SAA4: variants seen among roughly 807,000 people sequenced by gnomAD.
The protein encoded by SAA4 is serum amyloid A-4 protein.
In SAA4, 8 loss-of-function variants were observed where a neutral mutation model predicts 11.2. The ratio of observed to expected loss-of-function variants is 0.71; its 90% CI spans 0.42 to 1.29. The LOEUF (loss-of-function observed/expected upper bound fraction) is 1.29. Among genes scored for constraint, SAA4 ranks in the 50% most tolerant of loss-of-function variants. The pLI, the probability that SAA4 is intolerant of heterozygous loss-of-function variation, is 0.01. For missense variants in SAA4, 171 were observed against 164.2 expected (o/e 1.04, Z -0.23); for synonymous variants, 60 against 56.2 (o/e 1.07, Z -0.30).
chr11:18,235,972 AAC>A (rs1857202740), intron 1 of SAA4, 42 bp from the exon 2 acceptor site: 1 of 1,543,566 alleles, frequency 6.5e-7, no homozygotes, highest in East Asian at 2.4e-5. Context: ...CATAAAAAAA[AAC>A]ACAGATCTAT....
At chr11:18,235,555 T>C (rs192272788) in intron 2 of SAA4, among the ~76,000 whole-genome samples, 69 of 152,206 alleles carry the variant, frequency 4.5e-4, no homozygotes, top group Non-Finnish European at 5.3e-4. Context: ...CTGCCATCTG[T>C]AAATTTCCGC....
chr11:18,231,633 C>A lies in SAA4; in HGVS notation c.262G>T (p.Asp88Tyr). 1 of 1,613,880 alleles carries A rather than the reference C, an allele frequency of 6.2e-7. No homozygotes were observed. Among genetic ancestry groups the A allele is most frequent in the South Asian group, 1.1e-5 (1 of 91,036 alleles). ...CTGCTGTTTCCAAATAAATAGCAGT[C>A]TATTAATCCCTGAAGATAGACCCTG... is the stretch of plus-strand genomic sequence containing the variant. ...RSRVYLQGLI[D>Y]CYLFGNSSTV... Residue 88 changes from aspartate to tyrosine, a missense_variant, in exon 4 of 4, where the codon GAC (aspartate) becomes TAC (tyrosine). Asp to Tyr is a radical substitution (Grantham distance 160). Coordinates refer to ENST00000278222, the MANE Select transcript of SAA4 (RefSeq NM_006512.4).
At chr11:18,233,170 A>C (rs541349860) in intron 2 of SAA4, among the ~76,000 whole-genome samples, 1 of 152,356 alleles carries the variant, frequency 6.6e-6, no homozygotes, top group East Asian at 1.9e-4. Flanking sequence ...AGAGAGCTTC[A>C]TAGGACCTGG....
chr11:18,231,656 C>T lies in SAA4; in HGVS notation c.239G>A (p.Arg80Lys). The change falls in exon 4 of 4, where the codon AGG becomes AAG. Residue 80 changes from arginine to lysine, a missense_variant. Transcript: ENST00000278222. ...VWAAKLISRS[R>K]VYLQGLIDCY... ...GTCTATTAATCCCTGAAGATAGACCCTGGAACGGCTGCAACCCAAAGAAAG... is the reference window on the plus strand; with the variant it reads ...GTCTATTAATCCCTGAAGATAGACCTTGGAACGGCTGCAACCCAAAGAAAG... The T allele has an allele frequency of 6.2e-7, 1 of 1,611,346 alleles. No individual in the cohort carries two copies. The highest frequency in any genetic ancestry group is 8.5e-7 in the Non-Finnish European group (1 of 1,178,882).
intron 3 of SAA4, among the ~76,000 whole-genome samples, chr11:18,231,964 C>G (rs560933924): frequency 6.7e-6 from 1 of 150,094 alleles, no homozygotes; most frequent in African/African-American, 2.5e-5. Flanking sequence ...GTCACTGCAG[C>G]CTCGACCTCC....
intron 1 of SAA4, among the ~76,000 whole-genome samples, chr11:18,236,207 C>G (rs1857207817): frequency 6.8e-6 from 1 of 148,044 alleles, no homozygotes; most frequent in African/African-American, 2.5e-5. Context: ...AAACGTGCAC[C>G]ATCACACTCA....
intron 2 of SAA4, among the ~76,000 whole-genome samples, chr11:18,233,245 G>A (rs1474592554): frequency 6.6e-6 from 1 of 152,214 alleles, no homozygotes; most frequent in Non-Finnish European, 1.5e-5. Flanking sequence ...ACAATTAAGT[G>A]TCAGTTTCCA....
intron 2 of SAA4, among the ~76,000 whole-genome samples, chr11:18,232,911 C>G (rs1333427745): frequency 6.6e-6 from 1 of 152,076 alleles, no homozygotes; most frequent in African/African-American, 2.4e-5. Flanking sequence ...GTACTGTGTA[C>G]AAAGAGGGGA....
At position 18,231,632 on chromosome 11, in the gene SAA4, T is replaced by C; in HGVS notation, c.263A>G (p.Asp88Gly). Residue 88 changes from aspartate to glycine, a missense_variant, in exon 4 of 4, where the codon GAC becomes GGC. By Grantham distance (94) the Asp-to-Gly change is moderately conservative (BLOSUM62 -1). Coordinates refer to ENST00000278222, the MANE Select transcript of SAA4 (RefSeq NM_006512.4). ...RSRVYLQGLI[D>G]CYLFGNSSTV... ...GCTGCTGTTTCCAAATAAATAGCAGTCTATTAATCCCTGAAGATAGACCCT... is the reference window on the plus strand; with the variant it reads ...GCTGCTGTTTCCAAATAAATAGCAGCCTATTAATCCCTGAAGATAGACCCT... The C allele has an allele frequency of 6.2e-7, 1 of 1,613,906 alleles. No individual in the cohort carries two copies. The highest frequency in any genetic ancestry group is 8.5e-7 in the Non-Finnish European group (1 of 1,179,962).
intron 2 of SAA4, among the ~76,000 whole-genome samples, chr11:18,233,655 G>T (rs890763853): frequency 6.6e-6 from 1 of 150,664 alleles, no homozygotes; most frequent in African/African-American, 2.4e-5. Context: ...GGGACTACAG[G>T]CACCTAATAA....
chr11:18,232,990 A>T (rs1009105930), intron 2 of SAA4, among the ~76,000 whole-genome samples: 5 of 152,318 alleles, frequency 3.3e-5, no homozygotes, highest in Non-Finnish European at 7.3e-5. Flanking sequence ...ATTACAAGGG[A>T]CTTGGTGAGA....
chr11:18,233,135 G>T (rs1029703020), intron 2 of SAA4, among the ~76,000 whole-genome samples: 1 of 152,208 alleles, frequency 6.6e-6, no homozygotes, highest in African/African-American at 2.4e-5. Flanking sequence ...GGAATGGGCA[G>T]TACGTGATGA....
rs754552283 is a variant in SAA4 at position 18,232,433 on chromosome 11, T to C, written c.192A>G (p.Gln64=). Residue 64 remains glutamine, a synonymous_variant, in exon 3 of 4, where the codon CAA becomes CAG. Transcript: ENST00000278222. ...LYARGNYDAA[Q]RGPGGVWAAK... is the part of the protein sequence containing the mutation. ...CAGCCCAGACACCCCCAGGTCCTCT[T>C]TGGGCAGCATCATAGTTTCCCCGAG... 2 of 1,614,044 alleles carry C rather than the reference T, an allele frequency of 1.2e-6. No individual in the cohort carries two copies. Among genetic ancestry groups the C allele is most frequent in the East Asian group, 4.5e-5 (2 of 44,898 alleles).
chr11:18,232,038 G>A (rs111698811), intron 3 of SAA4, among the ~76,000 whole-genome samples: 2,351 of 151,854 alleles, frequency 0.015, 66 homozygotes, highest in African/African-American at 0.054. Flanking sequence ...ATGCCACCAC[G>A]CCTGGCTAAT....
intron 2 of SAA4, 65 bp from the exon 3 acceptor site, chr11:18,232,598 T>G: frequency 6.4e-7 from 1 of 1,552,022 alleles, no homozygotes; most frequent in Non-Finnish European, 8.7e-7. Context: ...GAAATGAACA[T>G]TTTCCACTGA....
At chr11:18,233,341 G>C (rs1857164242) in intron 2 of SAA4, among the ~76,000 whole-genome samples, 1 of 152,148 alleles carries the variant, frequency 6.6e-6, no homozygotes. Context: ...AAAATGCCTA[G>C]CATATTGGAA....
rs150889125 is a variant in SAA4, at chr11:18,236,141, G to A, written c.-4-211C>T. On this transcript the variant is annotated intron_variant, in intron 1 of 3. Coordinates refer to ENST00000278222, the MANE Select transcript of SAA4 (RefSeq NM_006512.4). ...TATGATTAAGGCTTACTGCAGCCTC[G>A]ACCTTCTGGGCTCAAGTGATCCTCC... Among the ~76,000 whole-genome samples, 33 of 147,408 alleles carry A rather than the reference G, an allele frequency of 2.2e-4. No homozygotes were observed. In the East Asian group the frequency reaches 4.6e-3, roughly 20 times the overall value.
Position 18,231,530 on chromosome 11 carries a change from C to T in SAA4, c.365G>A (p.Arg122Lys). The stretch of plus-strand genomic sequence containing the variant: ...GTATTTCTTAGGCAGGCCGTCAGGT[C>T]TGAAGCGGTCGGGGTCTTTGCCACT... ...GRSGKDPDRF[R>K]PDGLPKKY The change falls in exon 4 of 4, where the codon AGA (arginine) becomes AAA (lysine). Residue 122 changes from arginine (R) to lysine (K), a missense_variant. Transcript: ENST00000278222. 4 of 1,613,786 alleles carry T rather than the reference C, an allele frequency of 2.5e-6. No individual in the cohort carries two copies. The highest frequency in any genetic ancestry group is 3.4e-6 in the Non-Finnish European group (4 of 1,180,014).
intron 2 of SAA4, among the ~76,000 whole-genome samples, chr11:18,234,910 C>T (rs1268464006): frequency 1.3e-5 from 2 of 152,180 alleles, no homozygotes; most frequent in Non-Finnish European, 2.9e-5. Context: ...AGTCCCACTT[C>T]ACTTCTAAGA....
Sources: gnomAD v4.1 joint callset for allele counts (sites outside exome capture counted in the v4.1 genomes callset) on GRCh38, gnomAD v4.1.1 for gene constraint, MANE v1.5 for transcripts, NCBI Gene and HGNC (gene_info 2026-07-23, HGNC 2026-07-21) for gene names.